Variants in NIBAN1 observed in about 807,000 individuals in gnomAD.
The protein encoded by NIBAN1 is protein Niban 1.
NIBAN1 carries 81 observed loss-of-function variants against 75.1 expected under a neutral mutation model. The observed-to-expected ratio is 1.08, with a 90% CI of 0.90 to 1.30. The LOEUF (loss-of-function observed/expected upper bound fraction) is 1.30, where lower values mean the gene tolerates loss of function less well. NIBAN1 is among the 50% of genes most tolerant of loss of function. The probability of loss-of-function intolerance (pLI) is 0.00; values close to 1 mark genes in which losing one functional copy is unlikely to be tolerated. For missense variants in NIBAN1, 1,133 were observed against 1,128.1 expected (o/e 1.00, Z -0.06); for synonymous variants, 436 against 424.8 (o/e 1.03, Z -0.32).
intron 1 of NIBAN1, among the ~76,000 whole-genome samples, chr1:184,943,402 G>T (rs979828699): frequency 1.4e-4 from 22 of 152,230 alleles, no homozygotes; most frequent in African/African-American, 5.3e-4. Flanking sequence ...ATAGGCATCC[G>T]ATCACTGCAA....
chr1:184,863,733 C>G (rs890831642), intron 5 of NIBAN1, among the ~76,000 whole-genome samples: 1 of 152,166 alleles, frequency 6.6e-6, no homozygotes, highest in African/African-American at 2.4e-5. Flanking sequence ...TCTTACTATT[C>G]AAGCACTGGA....
chr1:184,942,623 G>T lies in NIBAN1; in HGVS notation c.55+31679C>A, dbSNP rs1381618750. On this transcript the variant is annotated intron_variant, in intron 1 of 13. Transcript: ENST00000367511. ...GCAGGAGAATGGCGTGAACCCGGGA[G>T]GCGGAGCTTGCACTGAGCCCAGATT... is the stretch of plus-strand genomic sequence containing the variant. 3.6e-4 allele frequency among the ~76,000 whole-genome samples: 55 copies of T among 151,770 alleles called. 1 individual carries two copies. Among genetic ancestry groups the T allele is most frequent in the Admixed American group, 3.6e-3 (55 of 15,210 alleles).
At chr1:184,890,985 C>A (rs1656653155) in intron 3 of NIBAN1, among the ~76,000 whole-genome samples, 2 of 152,258 alleles carry the variant, frequency 1.3e-5, no homozygotes, top group South Asian at 4.1e-4. Flanking sequence ...AACTAGTAAT[C>A]TAAAGGCAAG....
Position 184,795,989 on chromosome 1 carries a change from GACCC to G in NIBAN1, c.1771_1774del (p.Gly591GlnfsTer64). The stretch of plus-strand genomic sequence containing the variant: ...TCTCCTGGCAGGGCTGGCCTGGTTT[GACCC>G]TGTGGGGGGCTTTAGATCTGTTAAG... On this transcript the variant is annotated frameshift_variant, in exon 14 of 14. Transcript: ENST00000367511. LOFTEE classifies it low-confidence loss of function (END_TRUNC). 1 of 1,613,900 alleles carries G rather than the reference GACCC, an allele frequency of 6.2e-7. No individual in the cohort carries two copies. Among genetic ancestry groups the G allele is most frequent in the Non-Finnish European group, 8.5e-7 (1 of 1,180,008 alleles).
chr1:184,941,742 T>C (rs1182377661), intron 1 of NIBAN1, among the ~76,000 whole-genome samples: 1 of 152,130 alleles, frequency 6.6e-6, no homozygotes, highest in Non-Finnish European at 1.5e-5. Context: ...AACACATGTA[T>C]TTTACAATGA....
chr1:184,899,284 G>C lies in NIBAN1; in HGVS notation c.81C>G (p.Asn27Lys). 1 of 1,613,850 alleles carries C rather than the reference G, an allele frequency of 6.2e-7. No homozygotes were observed. The highest frequency in any genetic ancestry group is 8.5e-7 in the Non-Finnish European group (1 of 1,179,824). ...IRGKTEAAIK[N>K]FSPYYSRQYS... ...ACTGACGACTGTAGTAGGGACTGAA[G>C]TTTTTGATGGCAGCCTCAGTTTTCC... The change falls in exon 2 of 14, where the codon AAC becomes AAG. Residue 27 changes from asparagine to lysine, a missense_variant. Transcript: ENST00000367511.
intron 1 of NIBAN1, among the ~76,000 whole-genome samples, chr1:184,970,655 TAA>T (rs1214664365): frequency 1.3e-5 from 2 of 152,222 alleles, no homozygotes; most frequent in African/African-American, 2.4e-5. Context: ...ATATATTATG[TAA>T]CTGACTATGC....
intron 1 of NIBAN1, among the ~76,000 whole-genome samples, chr1:184,927,798 CTA>C (rs1003870572): frequency 1.6e-4 from 24 of 152,018 alleles, no homozygotes; most frequent in African/African-American, 5.8e-4. Context: ...GAGCCAGGAC[CTA>C]GAGTCAGAAA....
intron 8 of NIBAN1, 50 bp downstream of exon 8, chr1:184,823,117 T>C: frequency 6.3e-7 from 1 of 1,591,754 alleles, no homozygotes; most frequent in Non-Finnish European, 8.6e-7. Context: ...GGTGGATCCC[T>C]GCATGTACAG....
intron 1 of NIBAN1, among the ~76,000 whole-genome samples, chr1:184,915,550 G>C (rs1557912847): frequency 6.6e-6 from 1 of 152,154 alleles, no homozygotes; most frequent in East Asian, 1.9e-4. Flanking sequence ...CACTTGATCA[G>C]TTTTCCTTTG....
intron 5 of NIBAN1, among the ~76,000 whole-genome samples, chr1:184,878,034 T>A (rs1387715203): frequency 6.6e-6 from 1 of 152,174 alleles, no homozygotes; most frequent in Non-Finnish European, 1.5e-5. Flanking sequence ...CAAATAACTA[T>A]TTGGTTCATT....
chr1:184,851,813 T>G (rs1391634587), intron 5 of NIBAN1, among the ~76,000 whole-genome samples: 1 of 151,318 alleles, frequency 6.6e-6, no homozygotes, highest in East Asian at 1.9e-4. Flanking sequence ...TTAATTATCC[T>G]TAGGAATATA....
rs187690577 is a variant in NIBAN1, at chr1:184,808,044, A to T, written c.1335+30T>A. The T allele has an allele frequency of 8.2e-5, 132 of 1,612,374 alleles. No homozygotes were observed. The African/African-American group carries it at 1.4e-3, about 18-fold the overall frequency. ...ATTTCTCTGCTCTCTCTTTACCCTCATCCACCACGGATGCCCCTGCCACAC... is the reference window on the plus strand; with the variant it reads ...ATTTCTCTGCTCTCTCTTTACCCTCTTCCACCACGGATGCCCCTGCCACAC... On this transcript the variant is annotated intron_variant, in intron 10 of 13. Transcript: ENST00000367511.
intron 5 of NIBAN1, 86 bp from the exon 6 acceptor site, chr1:184,832,048 A>C: frequency 1.1e-6 from 1 of 916,914 alleles, no homozygotes; most frequent in Non-Finnish European, 1.8e-6. Context: ...TCAGAGACCT[A>C]GCATTATCTG....
chr1:184,972,339 T>C (rs1362099322), intron 1 of NIBAN1, among the ~76,000 whole-genome samples: 1 of 152,260 alleles, frequency 6.6e-6, no homozygotes, highest in Non-Finnish European at 1.5e-5. Flanking sequence ...GAGGTAAAGA[T>C]AGGGCTATGA....
intron 10 of NIBAN1, among the ~76,000 whole-genome samples, chr1:184,807,409 T>C (rs530399639): frequency 6.6e-6 from 1 of 152,158 alleles, no homozygotes; most frequent in South Asian, 2.1e-4. Context: ...TTAATTACGT[T>C]AGGGAATTAA....
chr1:184,839,688 C>T (rs576106644), intron 5 of NIBAN1, among the ~76,000 whole-genome samples: 40 of 152,072 alleles, frequency 2.6e-4, no homozygotes, highest in Non-Finnish European at 5.1e-4. Flanking sequence ...CTCCACCTCC[C>T]GGGTTCAAGC....
intron 5 of NIBAN1, among the ~76,000 whole-genome samples, chr1:184,857,251 A>T (rs1053900873): frequency 6.6e-6 from 1 of 152,182 alleles, no homozygotes; most frequent in Admixed American, 6.5e-5. Context: ...CCATGAACAA[A>T]GGCCTAAGGA....
chr1:184,838,800 C>CTG (rs777279116), intron 5 of NIBAN1, among the ~76,000 whole-genome samples: 5 of 152,192 alleles, frequency 3.3e-5, no homozygotes, highest in Non-Finnish European at 7.3e-5. Context: ...CTGACTCAGG[C>CTG]TGGGTTTGGA....
Sources: gnomAD v4.1 joint callset for allele counts (sites outside exome capture counted in the v4.1 genomes callset) on GRCh38, gnomAD v4.1.1 for gene constraint, MANE v1.5 for transcripts, NCBI Gene and HGNC (gene_info 2026-07-23, HGNC 2026-07-21) for gene names.